CAPZA2: variants seen among roughly 807,000 people sequenced by gnomAD.
CAPZA2 encodes the protein capping actin protein of muscle Z-line subunit alpha 2.
A neutral mutation model predicts 44.0 loss-of-function variants in CAPZA2; 13 were observed. That is an observed-to-expected ratio of 0.30 (90% CI 0.19 to 0.47). The LOEUF is 0.47. Among genes scored for constraint, CAPZA2 ranks in the 20% least tolerant of loss-of-function variants. The pLI, the probability that CAPZA2 is intolerant of heterozygous loss-of-function variation, is 1.00. For missense variants in CAPZA2, 244 were observed against 338.6 expected (o/e 0.72, Z 2.19); for synonymous variants, 94 against 108.2 (o/e 0.87, Z 0.81).
intron 3 of CAPZA2, 80 bp from the exon 4 acceptor site, chr7:116,898,692 G>T (rs1585010625): frequency 2.3e-6 from 2 of 858,972 alleles, no homozygotes; most frequent in East Asian, 2.7e-5. Flanking sequence ...AGACTTTATT[G>T]ATGGGTGAAT....
At chr7:116,875,369 C>T (rs1422055712) in intron 1 of CAPZA2, 1 of 152,076 alleles carries the variant, frequency 6.6e-6, no homozygotes, top group East Asian at 1.9e-4. Context: ...TGTGTACTAA[C>T]AAGGAGTTCT....
chr7:116,871,561 G>A (rs547862020), intron 1 of CAPZA2, among the ~76,000 whole-genome samples: 1 of 152,322 alleles, frequency 6.6e-6, no homozygotes, highest in East Asian at 1.9e-4. Context: ...GGAGCAAGGA[G>A]TGGAGAGACA....
At chr7:116,902,134 TAAG>T (rs1471967322) in intron 4 of CAPZA2, among the ~76,000 whole-genome samples, 5 of 152,092 alleles carry the variant, frequency 3.3e-5, no homozygotes, top group Admixed American at 3.3e-4. Context: ...CTGGTTTCTA[TAAG>T]AAGAAAATTA....
At chr7:116,892,783 T>C (rs1796865854) in intron 2 of CAPZA2, among the ~76,000 whole-genome samples, 1 of 152,162 alleles carries the variant, frequency 6.6e-6, no homozygotes, top group Non-Finnish European at 1.5e-5. Context: ...AGTATGTATT[T>C]CTATTTCATT....
chr7:116,905,699 C>T (rs931463719), intron 5 of CAPZA2, among the ~76,000 whole-genome samples: 12 of 152,230 alleles, frequency 7.9e-5, no homozygotes, highest in African/African-American at 2.6e-4. Context: ...TTAGAGAGTC[C>T]TCATTTATTC....
At chr7:116,897,796 C>G (rs997963538) in intron 3 of CAPZA2, among the ~76,000 whole-genome samples, 3 of 152,082 alleles carry the variant, frequency 2.0e-5, no homozygotes, top group African/African-American at 4.8e-5. Flanking sequence ...TTGGATCCAT[C>G]TCGTCACCAT....
rs1562965314 is a variant in CAPZA2, at chr7:116,918,936, T to C, written c.*1069T>C. On this transcript the variant is annotated 3_prime_UTR_variant, in exon 10 of 10. Coordinates refer to ENST00000361183, the MANE Select transcript of CAPZA2 (RefSeq NM_006136.3). Reference sequence around the variant, plus strand: ...AATAGTTCTACTGATGCTACAGGAATTTCAAGCCTGTGGTGAATGTTAGTA... The same window carrying C: ...AATAGTTCTACTGATGCTACAGGAACTTCAAGCCTGTGGTGAATGTTAGTA... 6.6e-6 allele frequency: 1 copy of C among 152,172 alleles called. No individual in the cohort carries two copies. The highest frequency in any genetic ancestry group is 1.5e-5 in the Non-Finnish European group (1 of 68,026). 9.4% of individuals were successfully genotyped at this position (152,172 alleles called of 1,614,324 possible).
intron 7 of CAPZA2, among the ~76,000 whole-genome samples, chr7:116,910,940 G>A (rs924464453): frequency 2.8e-5 from 4 of 140,422 alleles, no homozygotes; most frequent in South Asian, 2.2e-4. Flanking sequence ...GCAGTGAGCC[G>A]AGATTGCGCC....
At chr7:116,884,383 C>T (rs140565562) in intron 1 of CAPZA2, among the ~76,000 whole-genome samples, 3 of 152,136 alleles carry the variant, frequency 2.0e-5, no homozygotes, top group East Asian at 3.9e-4. Context: ...TCTTTTTCCT[C>T]GTCTCATTTC....
intron 1 of CAPZA2, among the ~76,000 whole-genome samples, chr7:116,865,202 T>TTTTG: frequency 6.8e-6 from 1 of 147,242 alleles, no homozygotes; most frequent in African/African-American, 2.6e-5. Context: ...TTTTTTTTTT[T>TTTTG]TGATACAGAG....
At position 116,916,135 on chromosome 7, in the gene CAPZA2, A is replaced by G; in HGVS notation, c.720+13A>G. The G allele has an allele frequency of 6.6e-7, 1 of 1,526,706 alleles. No homozygotes were observed. The allele number at this position is 1,526,706 out of a possible 1,614,324, so 94.6% of individuals were successfully genotyped here. The stretch of plus-strand genomic sequence containing the variant: ...AAATGAATACCAGGTATGATTTTTT[A>G]AATATTATATAAGCTACACTCACAT... On this transcript the variant is annotated intron_variant, in intron 9 of 9. Coordinates refer to ENST00000361183, the MANE Select transcript of CAPZA2 (RefSeq NM_006136.3).
At chr7:116,916,256 C>A in intron 9 of CAPZA2, 134 bp downstream of exon 9, 1 of 833,050 alleles carries the variant, frequency 1.2e-6, no homozygotes, top group Non-Finnish European at 1.7e-6. Flanking sequence ...GCTTTTAACA[C>A]AAAGGCAGAC....
chr7:116,902,363 C>A (rs897917056), intron 4 of CAPZA2, among the ~76,000 whole-genome samples: 1 of 152,182 alleles, frequency 6.6e-6, no homozygotes, highest in Admixed American at 6.5e-5. Flanking sequence ...TCTTAAAGAA[C>A]TCTTATAAAT....
chr7:116,880,048 GA>G (rs1796671841), intron 1 of CAPZA2: 1 of 464,412 alleles, frequency 2.2e-6, no homozygotes, highest in Non-Finnish European at 4.4e-6. Flanking sequence ...CGCTCTGATT[GA>G]TTTTTTTTTC....
At chr7:116,876,219 C>T (rs1197749760) in intron 1 of CAPZA2, 1 of 147,474 alleles carries the variant, frequency 6.8e-6, no homozygotes. Flanking sequence ...CGCTGCACTC[C>T]AGCCTGGGTG....
intron 2 of CAPZA2, chr7:116,888,612 A>C (rs1796792907): frequency 6.6e-6 from 1 of 151,594 alleles, no homozygotes; most frequent in African/African-American, 2.4e-5. Flanking sequence ...AAGATGAGGC[A>C]GGCAGGTCAC....
chr7:116,906,104 A>G (rs184164205), intron 5 of CAPZA2, among the ~76,000 whole-genome samples, 159 bp from the exon 6 acceptor site: 1 of 152,258 alleles, frequency 6.6e-6, no homozygotes, highest in Admixed American at 6.5e-5. Context: ...AATATTTGAG[A>G]ACATGTTTTT....
chr7:116,912,805 A>C (rs2214168), intron 8 of CAPZA2, among the ~76,000 whole-genome samples: 106,489 of 151,986 alleles, frequency 0.7, 37,370 homozygotes, highest in East Asian at 0.84. Flanking sequence ...TTTTAAATTT[A>C]TTTTTGGTAT....
chr7:116,909,900 G>A (rs1198901197), intron 6 of CAPZA2: 4 of 231,066 alleles, frequency 1.7e-5, no homozygotes, highest in Non-Finnish European at 2.6e-5. Context: ...AGTGGAGATG[G>A]AACAAAGAAA....
Sources: gnomAD v4.1 joint callset for allele counts (sites outside exome capture counted in the v4.1 genomes callset) on GRCh38, gnomAD v4.1.1 for gene constraint, MANE v1.5 for transcripts, NCBI Gene and HGNC (gene_info 2026-07-23, HGNC 2026-07-21) for gene names.